Variants in SMYD3 observed in about 807,000 individuals in gnomAD.
SMYD3 encodes histone-lysine N-methyltransferase SMYD3.
In SMYD3, 36 loss-of-function variants were observed where a neutral mutation model predicts 57.7. The ratio of observed to expected loss-of-function variants is 0.62; its 90% CI spans 0.48 to 0.82. The LOEUF is 0.82. SMYD3 is among the 40% of genes least tolerant of loss of function. SMYD3 has a pLI of 0.00. For synonymous variants in SMYD3, 211 were observed against 195.0 expected (o/e 1.08, Z -0.68); for missense variants, 515 against 538.8 (o/e 0.96, Z 0.44).
chr1:245,938,334 T>TG (rs985450602), intron 5 of SMYD3, among the ~76,000 whole-genome samples: 2 of 152,150 alleles, frequency 1.3e-5, no homozygotes, highest in African/African-American at 4.8e-5. Context: ...GGGAGCACCT[T>TG]GGGGGGCCAC....
At chr1:246,341,486 T>C (rs1325008354) in intron 2 of SMYD3, among the ~76,000 whole-genome samples, 1 of 152,196 alleles carries the variant, frequency 6.6e-6, no homozygotes, top group Non-Finnish European at 1.5e-5. Flanking sequence ...AGGTGTTCAA[T>C]ACATATTTTA....
chr1:246,423,540 A>C (rs937381236), intron 1 of SMYD3, among the ~76,000 whole-genome samples: 3 of 152,076 alleles, frequency 2.0e-5, no homozygotes, highest in Admixed American at 6.5e-5. Flanking sequence ...ACCTCTAAAA[A>C]AATGTTTTAA....
intron 5 of SMYD3, among the ~76,000 whole-genome samples, chr1:246,238,709 A>T (rs1428029299): frequency 6.6e-6 from 1 of 152,012 alleles, no homozygotes; most frequent in African/African-American, 2.4e-5. Flanking sequence ...TCTTTCTTGG[A>T]TTCTTCTACC....
intron 8 of SMYD3, among the ~76,000 whole-genome samples, chr1:245,875,716 T>C (rs1282240178): frequency 6.6e-6 from 1 of 152,212 alleles, no homozygotes; most frequent in Admixed American, 6.5e-5. Flanking sequence ...ACCTTTTGAT[T>C]AGTTTTTGTT....
chr1:246,109,358 T>C (rs1463063072), intron 5 of SMYD3, among the ~76,000 whole-genome samples: 1 of 152,194 alleles, frequency 6.6e-6, no homozygotes, highest in Non-Finnish European at 1.5e-5. Context: ...ACCAGCTTAC[T>C]GAAGAGTAGC....
chr1:246,470,547 T>C (rs1049857860), intron 1 of SMYD3, among the ~76,000 whole-genome samples: 1 of 148,268 alleles, frequency 6.7e-6, no homozygotes, highest in Admixed American at 6.7e-5. Flanking sequence ...TATATACACA[T>C]ACATACACTA....
At chr1:245,766,763 T>C (rs2046125459) in intron 10 of SMYD3, among the ~76,000 whole-genome samples, 1 of 152,184 alleles carries the variant, frequency 6.6e-6, no homozygotes, top group Admixed American at 6.5e-5. Context: ...GTCTGTCATG[T>C]CAGTTAGCAG....
chr1:245,895,338 C>T (rs1324208298), intron 8 of SMYD3, among the ~76,000 whole-genome samples: 5 of 152,152 alleles, frequency 3.3e-5, no homozygotes. Flanking sequence ...AGTTCCCTGT[C>T]AAATCTTCCT....
At chr1:245,949,647 A>C (rs2057549810) in intron 5 of SMYD3, among the ~76,000 whole-genome samples, 1 of 152,158 alleles carries the variant, frequency 6.6e-6, no homozygotes, top group African/African-American at 2.4e-5. Flanking sequence ...TGTCTTCACT[A>C]AAAATACAAA....
chr1:246,408,567 T>A (rs529106604), intron 1 of SMYD3, among the ~76,000 whole-genome samples: 30 of 151,890 alleles, frequency 2.0e-4, no homozygotes, highest in South Asian at 1.0e-3. Context: ...TGATAAGTAA[T>A]GAGAATTACT....
In SMYD3 at chr1:245,883,740, C is replaced by T. The variant is rs566486399; in HGVS notation, c.814-19854G>A. Among the ~76,000 whole-genome samples the T allele has an allele frequency of 7.2e-5, 11 of 152,240 alleles. 1 individual carries two copies. The highest frequency in any genetic ancestry group is 1.7e-4 in the African/African-American group (7 of 41,556). ...TGTAAGAATTTAGGTACAAATCTAG[C>T]GAGATGAATCCTTTTCTAATTCTTG... On this transcript the variant is annotated intron_variant, in intron 8 of 11. Coordinates refer to ENST00000490107, the MANE Select transcript of SMYD3 (RefSeq NM_001167740.2).
chr1:245,955,252 T>C (rs972730981), intron 5 of SMYD3, among the ~76,000 whole-genome samples: 18 of 25,818 alleles, frequency 7.0e-4, no homozygotes, highest in East Asian at 3.9e-3. Context: ...CCGCCATACC[T>C]GGCTAATTTT....
intron 1 of SMYD3, among the ~76,000 whole-genome samples, chr1:246,400,099 T>C (rs539327181): frequency 6.6e-6 from 1 of 152,350 alleles, no homozygotes; most frequent in East Asian, 1.9e-4. Context: ...AAAAGTTATA[T>C]ATTTCAGATA....
At chr1:246,045,622 T>C (rs2059950093) in intron 5 of SMYD3, among the ~76,000 whole-genome samples, 1 of 151,874 alleles carries the variant, frequency 6.6e-6, no homozygotes, top group Admixed American at 6.6e-5. Flanking sequence ...AAAGCCAAAA[T>C]TGACAAATGG....
intron 5 of SMYD3, among the ~76,000 whole-genome samples, chr1:246,101,014 G>A (rs533955123): frequency 7.1e-6 from 1 of 141,780 alleles, no homozygotes; most frequent in African/African-American, 2.6e-5. Flanking sequence ...TAGATAAATC[G>A]TCATAGCTTG....
intron 1 of SMYD3, among the ~76,000 whole-genome samples, chr1:246,379,737 C>T (rs1377419640): frequency 6.6e-6 from 1 of 152,174 alleles, no homozygotes; most frequent in Non-Finnish European, 1.5e-5. Context: ...TGGTGGCTCA[C>T]GCCTGTAATC....
intron 8 of SMYD3, among the ~76,000 whole-genome samples, chr1:245,889,793 C>T (rs1359604570): frequency 6.6e-6 from 1 of 152,084 alleles, no homozygotes; most frequent in Non-Finnish European, 1.5e-5. Flanking sequence ...CCATTCTGAG[C>T]AAAAAGAACA....
intron 7 of SMYD3, among the ~76,000 whole-genome samples, chr1:245,920,289 G>A (rs2055812055): frequency 1.4e-5 from 2 of 142,944 alleles, no homozygotes; most frequent in Non-Finnish European, 3.0e-5. Flanking sequence ...CTCCAGCCTG[G>A]GCGACAGAGC....
At chr1:245,774,438 A>G (rs1204471923) in intron 10 of SMYD3, among the ~76,000 whole-genome samples, 1 of 152,226 alleles carries the variant, frequency 6.6e-6, no homozygotes, top group Non-Finnish European at 1.5e-5. Flanking sequence ...GTTCTGAGGA[A>G]AACAAACTCC....
Sources: allele counts gnomAD v4.1 joint callset (sites outside exome capture counted in the v4.1 genomes callset), GRCh38; gene constraint gnomAD v4.1.1; transcripts MANE v1.5; gene names NCBI Gene and HGNC (gene_info 2026-07-23, HGNC 2026-07-21).